LDB2: variants seen among roughly 807,000 people sequenced by gnomAD.
The protein encoded by LDB2 is LIM domain binding 2.
Under a neutral mutation model 44.3 loss-of-function variants are expected in LDB2, and 12 were observed. The ratio of observed to expected loss-of-function variants is 0.27; its 90% CI spans 0.17 to 0.44. The LOEUF (loss-of-function observed/expected upper bound fraction) is 0.44, where lower values mean the gene tolerates loss of function less well. LDB2 is among the 20% of genes least tolerant of loss of function. The pLI is 1.00. For synonymous variants in LDB2, 164 were observed against 174.8 expected (o/e 0.94, Z 0.49); for missense variants, 344 against 473.5 (o/e 0.73, Z 2.54).
At chr4:16,528,091 A>G (rs1728866657) in intron 5 of LDB2, among the ~76,000 whole-genome samples, 1 of 152,166 alleles carries the variant, frequency 6.6e-6, no homozygotes, top group African/African-American at 2.4e-5. Context: ...TATTATCCTA[A>G]GTTAAGTAAC....
In LDB2 at chr4:16,762,206, T is replaced by C. The variant is rs149314738; in HGVS notation, c.133-2946A>G. Among the ~76,000 whole-genome samples the C allele has an allele frequency of 1.2e-4, 18 of 151,796 alleles. No individual in the cohort carries two copies. The East Asian group carries it at 3.5e-3, about 30-fold the overall frequency. ...GTGAGACCTGGTCTCAAAAAAAAAA[T>C]GAACTTTATAAAATAGTCTGTTTAT... On this transcript the variant is annotated intron_variant, in intron 1 of 7. Transcript: ENST00000304523.
At chr4:16,665,306 C>T (rs1039490857) in intron 2 of LDB2, among the ~76,000 whole-genome samples, 6 of 138,706 alleles carry the variant, frequency 4.3e-5, no homozygotes, top group African/African-American at 1.6e-4. Context: ...CACTCTGTCA[C>T]CCAGGCTGGA....
chr4:16,731,488 C>T (rs943817514), intron 2 of LDB2, among the ~76,000 whole-genome samples: 15 of 152,034 alleles, frequency 9.9e-5, no homozygotes, highest in African/African-American at 3.6e-4. Context: ...ACAGCATGCA[C>T]GTGTGTGTGT....
chr4:16,769,244 G>A (rs148938295), intron 1 of LDB2, among the ~76,000 whole-genome samples: 12 of 152,092 alleles, frequency 7.9e-5, no homozygotes, highest in African/African-American at 2.9e-4. Context: ...TGCAGAGAGG[G>A]AATTTTAAAT....
intron 1 of LDB2, among the ~76,000 whole-genome samples, chr4:16,897,916 A>ATATATATACACACACATATG (rs1194789580): frequency 2.4e-4 from 4 of 16,538 alleles, no homozygotes; most frequent in Non-Finnish European, 3.8e-4. Flanking sequence ...ATATATATAT[A>ATATATATACACACACATATG]TATATATATA....
intron 1 of LDB2, among the ~76,000 whole-genome samples, chr4:16,796,554 G>T (rs958309216): frequency 6.6e-6 from 1 of 152,140 alleles, no homozygotes; most frequent in African/African-American, 2.4e-5. Flanking sequence ...AGAATCACAA[G>T]TGATTTATGT....
chr4:16,718,660 C>T (rs1041397085), intron 2 of LDB2, among the ~76,000 whole-genome samples: 2 of 151,790 alleles, frequency 1.3e-5, no homozygotes, highest in Non-Finnish European at 2.9e-5. Context: ...TTGAGAATCA[C>T]GGAGTACTTC....
chr4:16,768,612 T>A (rs189988), intron 1 of LDB2, among the ~76,000 whole-genome samples: 128,311 of 152,112 alleles, frequency 0.84, 54,855 homozygotes, highest in Middle Eastern at 0.93. Context: ...TCTCACACTG[T>A]AGGAAGCTCA....
At chr4:16,512,581 T>G (rs1722219520) in intron 5 of LDB2, among the ~76,000 whole-genome samples, 1 of 152,250 alleles carries the variant, frequency 6.6e-6, no homozygotes, top group Non-Finnish European at 1.5e-5. Flanking sequence ...TGCAGATTGG[T>G]AGTGAAATCC....
intron 3 of LDB2, among the ~76,000 whole-genome samples, chr4:16,592,503 T>TATATAC (rs1719466973): frequency 2.3e-5 from 3 of 129,958 alleles, no homozygotes; most frequent in African/African-American, 9.1e-5. Context: ...TATATATATA[T>TATATAC]ATACACACAC....
intron 1 of LDB2, among the ~76,000 whole-genome samples, chr4:16,847,703 G>A (rs762169948): frequency 4.6e-5 from 7 of 152,062 alleles, no homozygotes; most frequent in African/African-American, 7.2e-5. Context: ...TGCAAGCTCC[G>A]CCTCCAGGGT....
chr4:16,645,013 C>G (rs980473149), intron 2 of LDB2, among the ~76,000 whole-genome samples: 5 of 152,194 alleles, frequency 3.3e-5, no homozygotes, highest in Non-Finnish European at 5.9e-5. Flanking sequence ...CAGAAAAACT[C>G]TTACTATTGT....
intron 2 of LDB2, among the ~76,000 whole-genome samples, chr4:16,731,639 C>T (rs1381715781): frequency 6.6e-6 from 1 of 152,182 alleles, no homozygotes; most frequent in East Asian, 1.9e-4. Flanking sequence ...ACTTTCCAGC[C>T]TTCAACACTG....
At chr4:16,791,039 C>T (rs1775590291) in intron 1 of LDB2, among the ~76,000 whole-genome samples, 1 of 152,148 alleles carries the variant, frequency 6.6e-6, no homozygotes, top group Non-Finnish European at 1.5e-5. Flanking sequence ...AGAAAATCTA[C>T]TTACATAACT....
At chr4:16,643,352 AG>A (rs1453489639) in intron 2 of LDB2, among the ~76,000 whole-genome samples, 2 of 152,170 alleles carry the variant, frequency 1.3e-5, no homozygotes, top group Non-Finnish European at 2.9e-5. Flanking sequence ...TCCTATTTTC[AG>A]ATTCCTTATC....
chr4:16,783,815 T>C (rs1231330295), intron 1 of LDB2, among the ~76,000 whole-genome samples: 1 of 152,192 alleles, frequency 6.6e-6, no homozygotes, highest in Non-Finnish European at 1.5e-5. Context: ...TAAAGGGATT[T>C]GAGTGGTTTT....
intron 2 of LDB2, among the ~76,000 whole-genome samples, chr4:16,715,846 T>C (rs1392458298): frequency 6.6e-6 from 1 of 152,166 alleles, no homozygotes; most frequent in Non-Finnish European, 1.5e-5. Flanking sequence ...GAAGTGGTGG[T>C]GCTGCTGCTG....
chr4:16,550,675 A>T (rs889820202), intron 5 of LDB2, among the ~76,000 whole-genome samples: 1 of 152,214 alleles, frequency 6.6e-6, no homozygotes, highest in Non-Finnish European at 1.5e-5. Flanking sequence ...TTTTGGTGGG[A>T]GTGCAAATTG....
In LDB2 at chr4:16,502,489, G is replaced by T. The variant is rs565970159; in HGVS notation, c.*154C>A. Reference sequence around the variant, plus strand: ...AATAATCCTCTCAATTAGAAAAAAAGAAAGAAGAAAGAAAATCAGATCATT... The same window carrying T: ...AATAATCCTCTCAATTAGAAAAAAATAAAGAAGAAAGAAAATCAGATCATT... On this transcript the variant is annotated 3_prime_UTR_variant, in exon 8 of 8. Coordinates refer to ENST00000304523, the MANE Select transcript of LDB2 (RefSeq NM_001290.5). 8.0e-6 allele frequency: 9 copies of T among 1,130,734 alleles called. No individual in the cohort carries two copies. In the African/African-American group the frequency reaches 1.1e-4, roughly 14 times the overall value. 70.0% of individuals were successfully genotyped at this position (1,130,734 alleles called of 1,614,324 possible). A position where few individuals can be genotyped will look rare whatever the true frequency, so the allele number is the denominator to read the frequency against.
Sources: allele counts gnomAD v4.1 joint callset (sites outside exome capture counted in the v4.1 genomes callset), GRCh38; gene constraint gnomAD v4.1.1; transcripts MANE v1.5; gene names NCBI Gene and HGNC (gene_info 2026-07-23, HGNC 2026-07-21).